The following SYN3 variants were observed in gnomAD, a reference collection of about 807,000 sequenced individuals.
The protein encoded by SYN3 is synapsin III.
Under a neutral mutation model 65.8 loss-of-function variants are expected in SYN3, and 35 were observed. The observed-to-expected ratio is 0.53, with a 90% CI of 0.41 to 0.70. SYN3 has a LOEUF of 0.70. SYN3 is among the 30% of genes least tolerant of loss of function. The pLI, the probability that SYN3 is intolerant of heterozygous loss-of-function variation, is 0.00. For synonymous variants in SYN3, 270 were observed against 292.9 expected, an observed-to-expected ratio of 0.92 and a Z score of 0.80; for missense variants, 680 against 749.0, an observed-to-expected ratio of 0.91 and a Z score of 1.08.
chr22:32,759,933 C>T (rs1419647660), intron 6 of SYN3, among the ~76,000 whole-genome samples: 1 of 84,710 alleles, frequency 1.2e-5, no homozygotes, highest in African/African-American at 4.6e-5. Context: ...CACGCACCCG[C>T]AGCCAGCACC....
At chr22:32,565,728 AAT>A (rs2058663574) in intron 7 of SYN3, among the ~76,000 whole-genome samples, 1 of 147,110 alleles carries the variant, frequency 6.8e-6, no homozygotes, top group South Asian at 2.3e-4. Context: ...TTATTTATTT[AAT>A]TTTTTTTTAC....
In SYN3 at chr22:32,869,142, C is replaced by T; in HGVS notation, c.462-17G>A. 6.2e-7 allele frequency: 1 copy of T among 1,609,606 alleles called. No homozygotes were observed. The highest frequency in any genetic ancestry group is 8.5e-7 in the Non-Finnish European group (1 of 1,177,114). ...AAGGATCTGCTGAGAAAGCCAACAG[C>T]AGTGTTACCACACTGGGACATTGAT... is the stretch of plus-strand genomic sequence containing the variant. On this transcript the variant is annotated splice_polypyrimidine_tract_variant and intron_variant, in intron 4 of 13. Transcript: ENST00000358763.
chr22:32,840,022 G>A (rs2047847832), intron 6 of SYN3, among the ~76,000 whole-genome samples: 1 of 152,042 alleles, frequency 6.6e-6, no homozygotes, highest in Admixed American at 6.5e-5. Context: ...TCCAGGACAG[G>A]GCATCCCCAG....
chr22:32,735,673 C>T (rs2061329138), intron 6 of SYN3, among the ~76,000 whole-genome samples: 1 of 152,188 alleles, frequency 6.6e-6, no homozygotes, highest in South Asian at 2.1e-4. Flanking sequence ...AGCTGACTGC[C>T]CTGAGGCCTC....
At chr22:32,563,598 C>T (rs920684695) in intron 7 of SYN3, among the ~76,000 whole-genome samples, 24 of 152,112 alleles carry the variant, frequency 1.6e-4, no homozygotes, top group Non-Finnish European at 2.6e-4. Context: ...AGGCATGTGC[C>T]GAGAGGACCC....
In SYN3 at chr22:32,510,178, C is replaced by T. The variant is rs1365095105; in HGVS notation, c.*3514G>A. Among the ~76,000 whole-genome samples, 5 of 152,266 alleles carry T rather than the reference C, an allele frequency of 3.3e-5. No homozygotes were observed. Among genetic ancestry groups the T allele is most frequent in the South Asian group, 2.1e-4 (1 of 4,818 alleles). On this transcript the variant is annotated 3_prime_UTR_variant, in exon 14 of 14. Transcript: ENST00000358763. ...GCTGCGTTGGAGACTGCAGCACACC[C>T]GTAGCAGTACTGTTTCTCATGCAGT...
intron 10 of SYN3, among the ~76,000 whole-genome samples, chr22:32,532,484 C>T (rs1161714110): frequency 7.9e-5 from 12 of 152,400 alleles, no homozygotes; most frequent in East Asian, 1.9e-4. Context: ...AAGGCGTTTC[C>T]GGGCCTTGAG....
chr22:32,702,007 G>A (rs2060816387), intron 6 of SYN3, among the ~76,000 whole-genome samples: 1 of 152,090 alleles, frequency 6.6e-6, no homozygotes, highest in Non-Finnish European at 1.5e-5. Context: ...TTTTCTTTCA[G>A]GAATAAATTC....
At chr22:32,888,647 C>T (rs1208205702) in intron 4 of SYN3, among the ~76,000 whole-genome samples, 1 of 152,108 alleles carries the variant, frequency 6.6e-6, no homozygotes, top group African/African-American at 2.4e-5. Flanking sequence ...ATGCAAGACG[C>T]CCCCAGGATT....
intron 1 of SYN3, among the ~76,000 whole-genome samples, chr22:33,032,357 A>C (rs2053770666): frequency 6.6e-6 from 1 of 152,040 alleles, no homozygotes; most frequent in African/African-American, 2.4e-5. Context: ...AAAATACAAA[A>C]ATTAGCTGGG....
intron 6 of SYN3, among the ~76,000 whole-genome samples, chr22:32,752,649 C>G (rs567852825): frequency 6.6e-6 from 1 of 152,328 alleles, no homozygotes; most frequent in African/African-American, 2.4e-5. Context: ...CCCACCACCC[C>G]AGAAGGGCAT....
intron 6 of SYN3, among the ~76,000 whole-genome samples, chr22:32,618,535 T>C (rs1275507904): frequency 2.6e-5 from 4 of 152,194 alleles, no homozygotes; most frequent in African/African-American, 9.7e-5. Context: ...TGCTTTTAAA[T>C]TAGGCAAATG....
chr22:33,049,944 AATCTTT>A (rs1569423519), intron 1 of SYN3, among the ~76,000 whole-genome samples: 2 of 152,222 alleles, frequency 1.3e-5, no homozygotes, highest in Non-Finnish European at 2.9e-5. Flanking sequence ...AGCCTACTCC[AATCTTT>A]TGGCACTGGA....
At position 32,675,012 on chromosome 22, in the gene SYN3, C is replaced by T. The variant is rs1362599311; in HGVS notation, c.712-78276G>A. On this transcript the variant is annotated intron_variant, in intron 6 of 13. Transcript: ENST00000358763. ...CCCTTGTCACACACCTCAGCTGTGC[C>T]GGGCCAAAGACTGAACAAAGTTCTG... 7.2e-5 allele frequency among the ~76,000 whole-genome samples: 11 copies of T among 152,170 alleles called. No individual in the cohort carries two copies. In the South Asian group the frequency reaches 1.0e-3, roughly 14 times the overall value.
chr22:32,517,034 G>A (rs76955313), intron 13 of SYN3, among the ~76,000 whole-genome samples: 2,216 of 152,278 alleles, frequency 0.015, 41 homozygotes, highest in African/African-American at 0.049. Flanking sequence ...CCAAGAGATG[G>A]GCCTGAGAGG....
rs1473215920 is a variant in SYN3 at position 32,564,668 on chromosome 22, C to A, written c.775-22955G>T. Among the ~76,000 whole-genome samples the A allele has an allele frequency of 2.0e-5, 3 of 151,656 alleles. No homozygotes were observed. The East Asian group carries it at 5.9e-4, about 30-fold the overall frequency. On this transcript the variant is annotated intron_variant, in intron 7 of 13. Transcript: ENST00000358763. The stretch of plus-strand genomic sequence containing the variant: ...TCCCGGACTGTACACAAACAGTGCT[C>A]CCAGACTGCACCCAAAGAGTGCTCT...
chr22:32,588,135 G>C (rs537556678), intron 7 of SYN3, among the ~76,000 whole-genome samples: 1 of 146,662 alleles, frequency 6.8e-6, no homozygotes, highest in Non-Finnish European at 1.5e-5. Context: ...ATTATTGCTC[G>C]TATTATTACT....
At chr22:32,593,904 G>A (rs2059161262) in intron 7 of SYN3, among the ~76,000 whole-genome samples, 1 of 152,132 alleles carries the variant, frequency 6.6e-6, no homozygotes, top group African/African-American at 2.4e-5. Flanking sequence ...GGAGTGGCAA[G>A]AGACAGAGAG....
At position 32,691,555 on chromosome 22, in the gene SYN3, C is replaced by G. The variant is rs1044796446; in HGVS notation, c.712-94819G>C. On this transcript the variant is annotated intron_variant, in intron 6 of 13. Transcript: ENST00000358763. The stretch of plus-strand genomic sequence containing the variant: ...TATGGTTACTTCTACATCCACCCGC[C>G]CATAATCTCAGGGCATTTCAGTGAA... Among the ~76,000 whole-genome samples the G allele has an allele frequency of 1.9e-3, 295 of 152,200 alleles. 2 individuals are homozygous for G. Among genetic ancestry groups the G allele is most frequent in the African/African-American group, 6.9e-3 (286 of 41,520 alleles).
Sources: allele counts gnomAD v4.1 joint callset (sites outside exome capture counted in the v4.1 genomes callset), GRCh38; gene constraint gnomAD v4.1.1; transcripts MANE v1.5; gene names NCBI Gene and HGNC (gene_info 2026-07-23, HGNC 2026-07-21).